The following KLRG1 variants were observed in gnomAD, a reference collection of about 807,000 sequenced individuals.
KLRG1 encodes the protein killer cell lectin like receptor G1, also known as killer cell lectin-like receptor subfamily G member 1.
In KLRG1, 16 loss-of-function variants were observed where a neutral mutation model predicts 21.8. That is an observed-to-expected ratio of 0.73 (90% CI 0.50 to 1.11). The LOEUF (loss-of-function observed/expected upper bound fraction) is 1.11. KLRG1 is among the 50% of genes most tolerant of loss of function. The pLI, the probability that KLRG1 is intolerant of heterozygous loss-of-function variation, is 0.00. For synonymous variants in KLRG1, 69 were observed against 75.9 expected (o/e 0.91, Z 0.47); for missense variants, 173 against 218.3 (o/e 0.79, Z 1.31).
At chr12:9,186,644 A>AT in the KLRG1 span, among the ~76,000 whole-genome samples, 1 of 152,134 alleles carries the variant, frequency 6.6e-6, no homozygotes, top group African/African-American at 2.4e-5. Context: ...AATGTGGCAC[A>AT]TATACACCAT....
At chr12:9,032,684 A>G in the KLRG1 span, among the ~76,000 whole-genome samples, 8 of 152,262 alleles carry the variant, frequency 5.3e-5, no homozygotes, top group East Asian at 9.6e-4. Flanking sequence ...AACTTCCCCA[A>G]TTACTCCTGT....
the KLRG1 span, among the ~76,000 whole-genome samples, chr12:9,138,821 A>G: frequency 3.3e-5 from 5 of 152,042 alleles, no homozygotes; most frequent in Non-Finnish European, 7.4e-5. Context: ...AAGAGCAGTT[A>G]TAATGTATCT....
At chr12:9,208,446 G>T in the KLRG1 span, 1 of 819,354 alleles carries the variant, frequency 1.2e-6, no homozygotes, top group Non-Finnish European at 2.1e-6. Flanking sequence ...GTACAAACAA[G>T]CCCCACCCCA....
the KLRG1 span, among the ~76,000 whole-genome samples, chr12:9,189,193 C>T: frequency 3.9e-5 from 6 of 152,104 alleles, no homozygotes; most frequent in Non-Finnish European, 2.9e-5. Flanking sequence ...ATAGCCAAGG[C>T]AATCCTAAGC....
chr12:9,157,645 G>T, the KLRG1 span: 3 of 883,098 alleles, frequency 3.4e-6, no homozygotes, highest in Non-Finnish European at 5.3e-6. Context: ...GAGCTTATCA[G>T]TCTGAGAAAT....
chr12:9,212,014 C>T, the KLRG1 span, among the ~76,000 whole-genome samples: 23 of 152,248 alleles, frequency 1.5e-4, no homozygotes, highest in Non-Finnish European at 2.4e-4. Flanking sequence ...AGGCTAGTTA[C>T]GAGATATGTG....
chr12:9,123,771 T>TA, the KLRG1 span, among the ~76,000 whole-genome samples: 355 of 152,258 alleles, frequency 2.3e-3, 19 homozygotes, highest in South Asian at 0.069. Context: ...GTGAAGCAAT[T>TA]AGAGTATTTT....
the KLRG1 span, chr12:9,202,805 A>G: frequency 1.1e-6 from 1 of 923,164 alleles, no homozygotes; most frequent in Non-Finnish European, 1.6e-6. Flanking sequence ...AGGTGTGACT[A>G]TTTCTTCAGA....
the KLRG1 span, among the ~76,000 whole-genome samples, chr12:9,140,300 G>T: frequency 2.6e-5 from 4 of 152,270 alleles, no homozygotes; most frequent in Middle Eastern, 3.4e-3. Flanking sequence ...CCATGCTATG[G>T]TTTTTTTCCC....
chr12:9,149,424 G>C, the KLRG1 span: 2 of 813,372 alleles, frequency 2.5e-6, no homozygotes, highest in Non-Finnish European at 3.8e-6. Context: ...CTACGCCACA[G>C]TTTTGTCTTG....
chr12:9,047,638 T>A, the KLRG1 span, among the ~76,000 whole-genome samples: 1 of 151,912 alleles, frequency 6.6e-6, no homozygotes, highest in Non-Finnish European at 1.5e-5. Context: ...AAAACAAGAC[T>A]CAATTATATG....
At chr12:9,163,745 C>T in the KLRG1 span, 1 of 1,613,870 alleles carries the variant, frequency 6.2e-7, no homozygotes, top group Middle Eastern at 1.6e-4. Flanking sequence ...CCACAGAGTT[C>T]TAAGGACTGC....
At chr12:9,047,853 C>T in the KLRG1 span, among the ~76,000 whole-genome samples, 30 of 152,154 alleles carry the variant, frequency 2.0e-4, no homozygotes, top group Admixed American at 3.9e-4. Context: ...TTAACAACAG[C>T]GGTCAAAATA....
the KLRG1 span, among the ~76,000 whole-genome samples, chr12:9,194,746 G>A: frequency 6.6e-6 from 1 of 152,096 alleles, no homozygotes; most frequent in Non-Finnish European, 1.5e-5. Flanking sequence ...TTACAGGCGT[G>A]AGCCACCGTG....
chr12:9,091,223 T>A, the KLRG1 span: 1 of 1,614,170 alleles, frequency 6.2e-7, no homozygotes, highest in Non-Finnish European at 8.5e-7. Context: ...GGGAAGGTAG[T>A]TTAGGACCGT....
intron 1 of KLRG1, among the ~76,000 whole-genome samples, chr12:8,955,058 A>T (rs1053152346): frequency 6.6e-6 from 1 of 152,002 alleles, no homozygotes; most frequent in African/African-American, 2.4e-5. Context: ...CTGGAACTAC[A>T]GGCGCCTGCC....
the KLRG1 span, among the ~76,000 whole-genome samples, chr12:9,087,454 A>T: frequency 6.6e-6 from 1 of 152,168 alleles, no homozygotes; most frequent in Admixed American, 6.5e-5. Context: ...GGAAGCTAAA[A>T]CATTCAAATT....
intron 1 of KLRG1, among the ~76,000 whole-genome samples, chr12:8,978,852 C>T (rs575336762): frequency 1.5e-4 from 22 of 150,452 alleles, no homozygotes; most frequent in Non-Finnish European, 3.1e-4. Flanking sequence ...GTACCTGGGG[C>T]TACAGGTATG....
chr12:9,153,218 G>T, the KLRG1 span: 3 of 1,614,188 alleles, frequency 1.9e-6, no homozygotes, highest in East Asian at 6.7e-5. Context: ...GGAGGTTGTT[G>T]TTGTCTACTT....
Sources: gnomAD v4.1 joint callset for allele counts (sites outside exome capture counted in the v4.1 genomes callset) on GRCh38, gnomAD v4.1.1 for gene constraint, MANE v1.5 for transcripts, NCBI Gene and HGNC (gene_info 2026-07-23, HGNC 2026-07-21) for gene names.